Variants in PCDH9 observed in about 807,000 individuals in gnomAD.
PCDH9 encodes the protein protocadherin-9.
In PCDH9, 24 loss-of-function variants were observed where a neutral mutation model predicts 70.6. The ratio of observed to expected loss-of-function variants is 0.34; its 90% CI spans 0.25 to 0.48. The LOEUF (loss-of-function observed/expected upper bound fraction) is 0.48, where lower values mean the gene tolerates loss of function less well. Among genes scored for constraint, PCDH9 ranks in the 20% least tolerant of loss-of-function variants. The pLI, the probability that PCDH9 is intolerant of heterozygous loss-of-function variation, is 0.99. For synonymous variants in PCDH9, 562 were observed against 558.5 expected, an observed-to-expected ratio of 1.01 and a Z score of -0.09; for missense variants, 1,281 against 1,503.6, an observed-to-expected ratio of 0.85 and a Z score of 2.45.
At chr13:67,018,655 T>C (rs1594397987) in intron 2 of PCDH9, among the ~76,000 whole-genome samples, 1 of 143,950 alleles carries the variant, frequency 6.9e-6, no homozygotes, top group African/African-American at 2.5e-5. Flanking sequence ...ATACAAGGGA[T>C]AGCCAATAAT....
intron 2 of PCDH9, among the ~76,000 whole-genome samples, chr13:67,167,397 T>A (rs184195259): frequency 5.6e-4 from 85 of 152,290 alleles, no homozygotes; most frequent in African/African-American, 2.0e-3. Flanking sequence ...TAAAAATCCA[T>A]AAGGATACTA....
Position 66,678,044 on chromosome 13 carries a change from A to C in PCDH9, c.3139-46633T>G, listed in dbSNP as rs561870199. Reference sequence around the variant, plus strand: ...TTCCTTTTTAAACTGTTATTCAACAATCATGAACAGAATCTTCTGAAGAGA... The same window carrying C: ...TTCCTTTTTAAACTGTTATTCAACACTCATGAACAGAATCTTCTGAAGAGA... On this transcript the variant is annotated intron_variant, in intron 3 of 4. Coordinates refer to ENST00000377865, the MANE Select transcript of PCDH9 (RefSeq NM_203487.3). 1.1e-4 allele frequency among the ~76,000 whole-genome samples: 17 copies of C among 152,268 alleles called. No homozygotes were observed. The East Asian group carries it at 2.3e-3, about 21-fold the overall frequency.
At chr13:66,783,504 A>T (rs2080032497) in intron 3 of PCDH9, among the ~76,000 whole-genome samples, 1 of 152,178 alleles carries the variant, frequency 6.6e-6, no homozygotes, top group Admixed American at 6.6e-5. Context: ...ACTGTCATGA[A>T]CAATAGAAGA....
intron 2 of PCDH9, among the ~76,000 whole-genome samples, chr13:66,983,349 C>G (rs2083815925): frequency 1.3e-5 from 2 of 151,808 alleles, no homozygotes; most frequent in African/African-American, 2.4e-5. Context: ...TTGCCGATTA[C>G]TTACAATGAA....
chr13:67,027,138 G>A (rs1405672061), intron 2 of PCDH9, among the ~76,000 whole-genome samples: 1 of 151,940 alleles, frequency 6.6e-6, no homozygotes, highest in African/African-American at 2.4e-5. Context: ...CAAAGCTGGA[G>A]GCATCACACT....
chr13:67,035,253 A>G (rs1372811726), intron 2 of PCDH9, among the ~76,000 whole-genome samples: 1 of 152,166 alleles, frequency 6.6e-6, no homozygotes, highest in Admixed American at 6.5e-5. Context: ...TCTCTTGTCA[A>G]AAGTTCATAT....
At chr13:67,154,296 G>T (rs1389421569) in intron 2 of PCDH9, among the ~76,000 whole-genome samples, 1 of 151,840 alleles carries the variant, frequency 6.6e-6, no homozygotes, top group Non-Finnish European at 1.5e-5. Flanking sequence ...TAGATAAAAA[G>T]AAGTGATTAT....
intron 2 of PCDH9, among the ~76,000 whole-genome samples, chr13:67,133,326 CAAAG>C (rs2087151934): frequency 1.3e-5 from 2 of 151,930 alleles, no homozygotes; most frequent in South Asian, 4.1e-4. Context: ...ATAAAAATAA[CAAAG>C]AAGATTTTAG....
At chr13:66,510,632 T>C (rs535260069) in intron 4 of PCDH9, among the ~76,000 whole-genome samples, 1 of 152,170 alleles carries the variant, frequency 6.6e-6, no homozygotes, top group Non-Finnish European at 1.5e-5. Context: ...GTCCTTGCGA[T>C]AGTTTGCTGA....
intron 4 of PCDH9, among the ~76,000 whole-genome samples, chr13:66,374,001 G>T (rs1013892074): frequency 6.6e-6 from 1 of 152,040 alleles, no homozygotes; most frequent in African/African-American, 2.4e-5. Context: ...ATTATCATCT[G>T]CCGACCTCCT....
chr13:66,377,985 C>T (rs2138233766), intron 4 of PCDH9, among the ~76,000 whole-genome samples: 1 of 152,286 alleles, frequency 6.6e-6, no homozygotes, highest in South Asian at 2.1e-4. Context: ...CTGTTACAAG[C>T]TGATCCTAAA....
chr13:66,534,397 G>A (rs1276156498), intron 4 of PCDH9, among the ~76,000 whole-genome samples: 5 of 152,094 alleles, frequency 3.3e-5, no homozygotes, highest in Non-Finnish European at 7.4e-5. Context: ...AGTATCGTTG[G>A]GTTCTGGTGA....
At chr13:66,701,298 C>T (rs1198716413) in intron 3 of PCDH9, among the ~76,000 whole-genome samples, 1 of 151,770 alleles carries the variant, frequency 6.6e-6, no homozygotes, top group African/African-American at 2.4e-5. Flanking sequence ...CGCACACACA[C>T]ATATGTGGGG....
At chr13:66,376,905 A>G (rs1281273370) in intron 4 of PCDH9, among the ~76,000 whole-genome samples, 1 of 152,200 alleles carries the variant, frequency 6.6e-6, no homozygotes, top group African/African-American at 2.4e-5. Context: ...TTATTCAAAA[A>G]TGAAATAACC....
chr13:66,726,494 A>G (rs2079007446), intron 3 of PCDH9, among the ~76,000 whole-genome samples: 1 of 152,128 alleles, frequency 6.6e-6, no homozygotes, highest in African/African-American at 2.4e-5. Flanking sequence ...CCAAGAATGC[A>G]CTGTACACAA....
chr13:66,825,195 A>G (rs186191906), intron 3 of PCDH9: 22 of 151,142 alleles, frequency 1.5e-4, no homozygotes, highest in Non-Finnish European at 2.9e-5. Context: ...AAAAATATAT[A>G]TATGTATATA....
At chr13:67,205,238 G>C (rs943718631) in intron 2 of PCDH9, 1 of 152,124 alleles carries the variant, frequency 6.6e-6, no homozygotes. Context: ...CAAATTAACA[G>C]GTGAATTTAA....
intron 2 of PCDH9, among the ~76,000 whole-genome samples, chr13:66,913,049 A>G (rs76380372): frequency 0.027 from 4,080 of 152,222 alleles, 189 homozygotes; most frequent in African/African-American, 0.093. Context: ...AAATCAGGTA[A>G]TAAATTCGGA....
intron 3 of PCDH9, among the ~76,000 whole-genome samples, chr13:66,757,869 T>A (rs74093201): frequency 0.015 from 2,229 of 152,094 alleles, 67 homozygotes; most frequent in African/African-American, 0.051. Flanking sequence ...GATCTTCCAG[T>A]TTTTTATGAT....
Sources: gnomAD v4.1 joint callset for allele counts (sites outside exome capture counted in the v4.1 genomes callset) on GRCh38, gnomAD v4.1.1 for gene constraint, MANE v1.5 for transcripts, NCBI Gene and HGNC (gene_info 2026-07-23, HGNC 2026-07-21) for gene names.